The following ADCY1 variants were observed in gnomAD, a reference collection of about 807,000 sequenced individuals.
The protein encoded by ADCY1 is adenylate cyclase 1, also known as adenylate cyclase type 1.
ADCY1 carries 28 observed loss-of-function variants against 105.4 expected under a neutral mutation model. The observed-to-expected ratio is 0.27, with a 90% CI of 0.20 to 0.36. The LOEUF (loss-of-function observed/expected upper bound fraction) is 0.36, where lower values mean the gene tolerates loss of function less well. Ranked by LOEUF, ADCY1 falls within the 10% of genes least tolerant of loss-of-function variation. The pLI, the probability that ADCY1 is intolerant of heterozygous loss-of-function variation, is 1.00. For missense variants in ADCY1, 977 were observed against 1,434.2 expected, an observed-to-expected ratio of 0.68 and a Z score of 5.15; for synonymous variants, 655 against 623.8, an observed-to-expected ratio of 1.05 and a Z score of -0.75.
intron 2 of ADCY1, among the ~76,000 whole-genome samples, chr7:45,600,505 C>T (rs1470556842): frequency 1.3e-5 from 2 of 152,220 alleles, no homozygotes; most frequent in Admixed American, 1.3e-4. Context: ...GACAGCACGT[C>T]AGTTAGAATC....
intron 5 of ADCY1, 65 bp from the exon 6 acceptor site, chr7:45,657,662 C>G (rs1794978249): frequency 6.5e-7 from 1 of 1,536,108 alleles, no homozygotes; most frequent in African/African-American, 1.4e-5. Context: ...GCAGTGCAGA[C>G]CAAGGTGGCC....
intron 2 of ADCY1, among the ~76,000 whole-genome samples, chr7:45,595,200 A>T (rs1343391448): frequency 6.6e-6 from 1 of 152,176 alleles, no homozygotes; most frequent in African/African-American, 2.4e-5. Context: ...GTCTGCTTAT[A>T]CTCTGCTCTC....
At position 45,720,602 on chromosome 7, in the gene ADCY1, G is replaced by A. The variant is rs1043529713; in HGVS notation, c.*6607G>A. On this transcript the variant is annotated 3_prime_UTR_variant, in exon 20 of 20. Transcript: ENST00000297323. ...AATGCTGTGTTTTTGTACCTGACAG[G>A]GGTCACTCATTTTAGGCACAACTCC... 6.6e-6 allele frequency: 1 copy of A among 151,842 alleles called. No individual in the cohort carries two copies. The highest frequency in any genetic ancestry group is 1.5e-5 in the Non-Finnish European group (1 of 67,988). 9.4% of individuals were successfully genotyped at this position (151,842 alleles called of 1,614,324 possible). A position where few individuals can be genotyped will look rare whatever the true frequency, so the allele number is the denominator to read the frequency against.
intron 2 of ADCY1, among the ~76,000 whole-genome samples, chr7:45,608,884 G>T (rs1379889090): frequency 1.3e-5 from 2 of 152,102 alleles, no homozygotes; most frequent in African/African-American, 4.8e-5. Context: ...GTAGACCTTG[G>T]CCTTGTTTAG....
intron 1 of ADCY1, among the ~76,000 whole-genome samples, chr7:45,586,588 C>A (rs1313042639): frequency 1.3e-5 from 2 of 152,194 alleles, no homozygotes; most frequent in South Asian, 4.1e-4. Context: ...CAGAAGCTAA[C>A]AAGCAATTAC....
intron 4 of ADCY1, among the ~76,000 whole-genome samples, chr7:45,627,454 T>A (rs964416778): frequency 3.9e-5 from 6 of 152,178 alleles, no homozygotes; most frequent in Non-Finnish European, 7.4e-5. Context: ...GGACAGCCCA[T>A]ACACATGTCT....
intron 2 of ADCY1, among the ~76,000 whole-genome samples, chr7:45,594,726 A>C (rs947522773): frequency 2.6e-5 from 4 of 152,132 alleles, no homozygotes; most frequent in Non-Finnish European, 5.9e-5. Flanking sequence ...AGCCCTATGG[A>C]GGAGGCAGTC....
At chr7:45,639,239 G>A (rs1335432353) in intron 4 of ADCY1, among the ~76,000 whole-genome samples, 1 of 152,118 alleles carries the variant, frequency 6.6e-6, no homozygotes, top group South Asian at 2.1e-4. Context: ...CAATATTTTT[G>A]ACCTTTTCCC....
intron 14 of ADCY1, among the ~76,000 whole-genome samples, chr7:45,694,479 A>C (rs547896476): frequency 2.9e-4 from 44 of 152,326 alleles, no homozygotes; most frequent in African/African-American, 1.0e-3. Context: ...ACTTGGAGGA[A>C]AATGTATAAT....
At chr7:45,613,705 C>T (rs1011378496) in intron 3 of ADCY1, among the ~76,000 whole-genome samples, 1 of 152,072 alleles carries the variant, frequency 6.6e-6, no homozygotes, top group African/African-American at 2.4e-5. Context: ...CCCCAAAATT[C>T]ACACCTAGAT....
intron 5 of ADCY1, among the ~76,000 whole-genome samples, chr7:45,650,411 T>A (rs1266748675): frequency 6.6e-6 from 1 of 152,212 alleles, no homozygotes; most frequent in Non-Finnish European, 1.5e-5. Context: ...TTGTGTGATC[T>A]CCTTGGGGGA....
chr7:45,642,118 T>C lies in ADCY1; in HGVS notation c.1021-6552T>C, dbSNP rs117978265. 1.9e-4 allele frequency among the ~76,000 whole-genome samples: 29 copies of C among 152,036 alleles called. No individual in the cohort carries two copies. The East Asian group carries it at 5.6e-3, about 30-fold the overall frequency. On this transcript the variant is annotated intron_variant, in intron 4 of 19. Coordinates refer to ENST00000297323, the MANE Select transcript of ADCY1 (RefSeq NM_021116.4). ...CAGCCTGTAGACCAGAGGGCATGCA[T>C]GCCATGCCAAACAGGGCCACACAGT...
intron 3 of ADCY1, among the ~76,000 whole-genome samples, chr7:45,614,131 T>C (rs546807574): frequency 6.6e-6 from 1 of 152,310 alleles, no homozygotes; most frequent in South Asian, 2.1e-4. Flanking sequence ...ATTACTGTAA[T>C]TGTAGTGCAT....
At chr7:45,602,364 G>A (rs1266992457) in intron 2 of ADCY1, among the ~76,000 whole-genome samples, 1 of 152,100 alleles carries the variant, frequency 6.6e-6, no homozygotes, top group Non-Finnish European at 1.5e-5. Flanking sequence ...CTCCTCCGCT[G>A]CCTGCAGCCT....
At chr7:45,631,100 G>A (rs1794236862) in intron 4 of ADCY1, among the ~76,000 whole-genome samples, 1 of 152,122 alleles carries the variant, frequency 6.6e-6, no homozygotes, top group Non-Finnish European at 1.5e-5. Context: ...CTCAATATAT[G>A]GTAATTATCA....
intron 2 of ADCY1, among the ~76,000 whole-genome samples, chr7:45,594,269 G>A (rs1169128581): frequency 6.6e-6 from 1 of 152,238 alleles, no homozygotes; most frequent in Non-Finnish European, 1.5e-5. Context: ...GTCGGTGTGT[G>A]TATAAATTGA....
intron 2 of ADCY1, among the ~76,000 whole-genome samples, chr7:45,596,867 G>A (rs965306934): frequency 6.6e-6 from 1 of 152,196 alleles, no homozygotes; most frequent in African/African-American, 2.4e-5. Flanking sequence ...TCATGAACAC[G>A]TTTTGAGGGT....
At chr7:45,592,726 G>A in intron 1 of ADCY1, 33 bp from the exon 2 acceptor site, 1 of 1,613,266 alleles carries the variant, frequency 6.2e-7, no homozygotes. Flanking sequence ...TGGGATGTCA[G>A]GCTCCACATG....
intron 14 of ADCY1, among the ~76,000 whole-genome samples, chr7:45,690,339 C>T (rs1331825197): frequency 6.6e-6 from 1 of 152,112 alleles, no homozygotes; most frequent in Non-Finnish European, 1.5e-5. Flanking sequence ...AGGCACAGGG[C>T]ATCTCCAGGC....
Sources: allele counts gnomAD v4.1 joint callset (sites outside exome capture counted in the v4.1 genomes callset), GRCh38; gene constraint gnomAD v4.1.1; transcripts MANE v1.5; gene names NCBI Gene and HGNC (gene_info 2026-07-23, HGNC 2026-07-21).